LRRC41: variants seen among roughly 807,000 people sequenced by gnomAD.
LRRC41 encodes leucine rich repeat containing 41, also known as leucine-rich repeat-containing protein 41.
A neutral mutation model predicts 72.1 loss-of-function variants in LRRC41; 17 were observed. That is an observed-to-expected ratio of 0.24 (90% CI 0.16 to 0.35). LRRC41 has a LOEUF of 0.35. Among genes scored for constraint, LRRC41 ranks in the 10% least tolerant of loss-of-function variants. The probability of loss-of-function intolerance (pLI) is 1.00; values close to 1 mark genes in which losing one functional copy is unlikely to be tolerated. For synonymous variants in LRRC41, 427 were observed against 431.0 expected, an observed-to-expected ratio of 0.99 and a Z score of 0.11; for missense variants, 759 against 1,065.0, an observed-to-expected ratio of 0.71 and a Z score of 4.00.
In LRRC41 at chr1:46,278,535, C is replaced by T. The variant is rs1660693198; in HGVS notation, c.*330G>A. The stretch of plus-strand genomic sequence containing the variant: ...AGAAGCCCCCTATACTTCTCTAAAG[C>T]CTGGGTGCCTGCTTGAGGAGGGAAG... On this transcript the variant is annotated 3_prime_UTR_variant, in exon 10 of 10. Transcript: ENST00000617190. The T allele has an allele frequency of 4.9e-6, 3 of 616,990 alleles. No individual in the cohort carries two copies. Among genetic ancestry groups the T allele is most frequent in the Admixed American group, 2.9e-5 (1 of 33,994 alleles). The allele number at this position is 616,990 out of a possible 1,614,324, so 38.2% of individuals were successfully genotyped here. A position where few individuals can be genotyped will look rare whatever the true frequency, so the allele number is the denominator to read the frequency against.
Position 46,285,752 on chromosome 1 carries a change from A to G in LRRC41, c.1105T>C (p.Ser369Pro). ...SAPAATSSAS[S>P]STSSYKRAPA... ...GCCCGTTTGTATGAGGATGTAGAAG[A>G]AGAGGCAGAGGAGGTGGCTGCTGGA... Residue 369 changes from serine to proline, a missense_variant, in exon 4 of 10, where the codon TCT becomes CCT. Transcript: ENST00000617190. The surrounding 1 kb of genome is among the most constrained non-coding windows in gnomAD (Gnocchi z 5.3). 1 of 1,602,638 alleles carries G rather than the reference A, an allele frequency of 6.2e-7. No individual in the cohort carries two copies. The highest frequency in any genetic ancestry group is 8.5e-7 in the Non-Finnish European group (1 of 1,174,174).
At chr1:46,296,491 A>G (rs907023662) in intron 3 of LRRC41, among the ~76,000 whole-genome samples, 1 of 152,212 alleles carries the variant, frequency 6.6e-6, no homozygotes, top group Non-Finnish European at 1.5e-5. Flanking sequence ...CTATTCTTCC[A>G]ATATCTAGTG....
intron 3 of LRRC41, among the ~76,000 whole-genome samples, chr1:46,293,207 T>A (rs896303194): frequency 1.3e-4 from 20 of 151,992 alleles, no homozygotes; most frequent in African/African-American, 4.8e-4. Context: ...ATTAGTACTC[T>A]CTCCATCCTG....
At position 46,302,920 on chromosome 1, in the gene LRRC41, C is replaced by A; in HGVS notation, c.199+204G>T. ...CGCGCCCCCGAGCCAGGCCGCGGTG[C>A]GGGTCAGCCTGCCCATTTAGGTCTC... On this transcript the variant is annotated intron_variant, in intron 1 of 9. Transcript: ENST00000617190. This position sits in a 1 kb window ranked among gnomAD's most constrained non-coding sequence, Gnocchi z 4.7. 1.0e-6 allele frequency: 1 copy of A among 985,288 alleles called. No individual in the cohort carries two copies. Among genetic ancestry groups the A allele is most frequent in the Non-Finnish European group, 1.2e-6 (1 of 829,858 alleles). The allele number at this position is 985,288 out of a possible 1,614,324, so 61.0% of individuals were successfully genotyped here. A position where few individuals can be genotyped will look rare whatever the true frequency, so the allele number is the denominator to read the frequency against.
chr1:46,302,147 GCC>G lies in LRRC41; in HGVS notation c.199+975_199+976del. On this transcript the variant is annotated intron_variant, in intron 1 of 9. Coordinates refer to ENST00000617190, the MANE Select transcript of LRRC41 (RefSeq NM_006369.5). The surrounding 1 kb of genome is among the most constrained non-coding windows in gnomAD (Gnocchi z 4.7). The stretch of plus-strand genomic sequence containing the variant: ...CCAGGCCGCCCTCCATCCAGGCCCG[GCC>G]CTTTGGTCCCGGCCGCCTTCAGGCC... 1.0e-6 allele frequency: 1 copy of G among 985,146 alleles called. No individual in the cohort carries two copies. The highest frequency in any genetic ancestry group is 1.2e-6 in the Non-Finnish European group (1 of 829,826). 61.0% of individuals were successfully genotyped at this position (985,146 alleles called of 1,614,324 possible).
intron 2 of LRRC41, 124 bp downstream of exon 2, chr1:46,298,160 G>T (rs1661160103): frequency 3.1e-6 from 2 of 646,196 alleles, no homozygotes; most frequent in East Asian, 2.7e-5. Flanking sequence ...AAGAAAAATA[G>T]GTGTGAAGGT....
chr1:46,285,620 G>T lies in LRRC41; in HGVS notation c.1237C>A (p.Leu413Met). ...RQGPGAESED[L>M]YDFVFIVAGE... ...GCCACAATAAAAACGAAGTCATACA[G>T]GTCTTCAGACTCTGCACCAGGCCCC... Residue 413 changes from leucine (L) to methionine (M), a missense_variant, in exon 4 of 10, where the codon CTG becomes ATG. By Grantham distance (15) the Leu-to-Met change is conservative. Transcript: ENST00000617190. This position sits in a 1 kb window ranked among gnomAD's most constrained non-coding sequence, Gnocchi z 5.3. 6.2e-7 allele frequency: 1 copy of T among 1,614,122 alleles called. No homozygotes were observed.
At position 46,278,373 on chromosome 1, in the gene LRRC41, G is replaced by C; in HGVS notation, c.*492C>G. On this transcript the variant is annotated 3_prime_UTR_variant, in exon 10 of 10. Transcript: ENST00000617190. ...AGGGCCCTGTTGAATTTTGTTCTCT[G>C]GGAGAAAATCATCAAGAAGGGCTGC... The C allele has an allele frequency of 1.4e-6, 2 of 1,397,206 alleles. No homozygotes were observed. The highest frequency in any genetic ancestry group is 2.5e-4 in the Middle Eastern group (1 of 4,074). The allele number at this position is 1,397,206 out of a possible 1,614,324, so 86.6% of individuals were successfully genotyped here. A position where few individuals can be genotyped will look rare whatever the true frequency, so the allele number is the denominator to read the frequency against.
At position 46,278,744 on chromosome 1, in the gene LRRC41, AAAG is replaced by A. The variant is rs1660699284; in HGVS notation, c.*118_*120del. The A allele has an allele frequency of 9.8e-7, 1 of 1,023,086 alleles. No homozygotes were observed. The highest frequency in any genetic ancestry group is 2.1e-4 in the Middle Eastern group (1 of 4,778). 63.4% of individuals were successfully genotyped at this position (1,023,086 alleles called of 1,614,324 possible). ...ACCTCAGTGCAAGGGAAGAAGGAAAAAAGAGAAAAAAGGTGACAGAAAGAGAAA... is the reference window on the plus strand; with the variant it reads ...ACCTCAGTGCAAGGGAAGAAGGAAAAAGAAAAAAGGTGACAGAAAGAGAAA... On this transcript the variant is annotated 3_prime_UTR_variant, in exon 10 of 10. Coordinates refer to ENST00000617190, the MANE Select transcript of LRRC41 (RefSeq NM_006369.5).
chr1:46,298,482 T>C (rs1661167975), intron 1 of LRRC41, 112 bp from the exon 2 acceptor site: 1 of 628,538 alleles, frequency 1.6e-6, no homozygotes, highest in East Asian at 2.8e-5. Flanking sequence ...AGACTTCTCA[T>C]TTGACAAATG....
chr1:46,277,607 G>C lies in LRRC41; in HGVS notation c.*1258C>G, dbSNP rs1226719922. The C allele has an allele frequency of 1.6e-6, 1 of 619,144 alleles. No homozygotes were observed. The highest frequency in any genetic ancestry group is 2.8e-6 in the Non-Finnish European group (1 of 355,070). The allele number at this position is 619,144 out of a possible 1,614,324, so 38.4% of individuals were successfully genotyped here. A position where few individuals can be genotyped will look rare whatever the true frequency, so the allele number is the denominator to read the frequency against. On this transcript the variant is annotated 3_prime_UTR_variant, in exon 10 of 10. Transcript: ENST00000617190. ...CCTTCATTAGTATAGAAAGTAGCCT[G>C]GGTGGGCAGACTATTCATGTCATGT...
rs748804999 is a variant in LRRC41 at position 46,285,867 on chromosome 1, G to C, written c.990C>G (p.Ser330Arg). ...TAAGGTCTGTTCCGCCTGCTGTCAG[G>C]CTCTCCTGTGTGCTCCGGCGTGTTA... is the stretch of plus-strand genomic sequence containing the variant. ...TRVTRRSTQE[S>R]LTAGGTDLKR... The change falls in exon 4 of 10, where the codon AGC becomes AGG. Residue 330 changes from serine (S) to arginine (R), a missense_variant. Ser to Arg is a moderately radical substitution (Grantham distance 110, BLOSUM62 -1). Coordinates refer to ENST00000617190, the MANE Select transcript of LRRC41 (RefSeq NM_006369.5). This position sits in a 1 kb window ranked among gnomAD's most constrained non-coding sequence, Gnocchi z 5.3. 3 of 1,580,844 alleles carry C rather than the reference G, an allele frequency of 1.9e-6. No homozygotes were observed. The highest frequency in any genetic ancestry group is 2.6e-6 in the Non-Finnish European group (3 of 1,165,374).
In LRRC41 at chr1:46,286,558, C is replaced by T. The variant is rs1660887661; in HGVS notation, c.358-59G>A. 1 of 1,484,482 alleles carries T rather than the reference C, an allele frequency of 6.7e-7. No individual in the cohort carries two copies. The highest frequency in any genetic ancestry group is 2.2e-5 in the Admixed American group (1 of 45,674). 92.0% of individuals were successfully genotyped at this position (1,484,482 alleles called of 1,614,324 possible). A position where few individuals can be genotyped will look rare whatever the true frequency, so the allele number is the denominator to read the frequency against. On this transcript the variant is annotated intron_variant, in intron 3 of 9. Coordinates refer to ENST00000617190, the MANE Select transcript of LRRC41 (RefSeq NM_006369.5). This position sits in a 1 kb window ranked among gnomAD's most constrained non-coding sequence, Gnocchi z 5.5. The stretch of plus-strand genomic sequence containing the variant: ...TATATCCATGAAACTGTCCAAATTT[C>T]CCTCTCTTCCAATAGCACACTATTT...
intron 4 of LRRC41, among the ~76,000 whole-genome samples, chr1:46,284,813 A>C (rs1660851188): frequency 6.6e-6 from 1 of 152,200 alleles, no homozygotes; most frequent in Non-Finnish European, 1.5e-5. Context: ...ATATAGTAAC[A>C]CTGATTTGCA....
rs192669103 is a variant in LRRC41 at position 46,281,942 on chromosome 1, G to T, written c.1496-557C>A. On this transcript the variant is annotated intron_variant, in intron 4 of 9. Transcript: ENST00000617190. ...AAAAATACAGAAATTAGCTGGGCTGGGTGGCACATGCCTGTAGTCCCAGCT... is the reference window on the plus strand; with the variant it reads ...AAAAATACAGAAATTAGCTGGGCTGTGTGGCACATGCCTGTAGTCCCAGCT... Among the ~76,000 whole-genome samples, 159 of 152,282 alleles carry T rather than the reference G, an allele frequency of 1.0e-3. 2 individuals carry two copies. The South Asian group carries it at 0.017, about 16-fold the overall frequency.
chr1:46,293,328 C>T (rs191524107), intron 3 of LRRC41, among the ~76,000 whole-genome samples: 12 of 152,060 alleles, frequency 7.9e-5, no homozygotes, highest in Admixed American at 5.9e-4. Flanking sequence ...CAGCCTTGAC[C>T]CCTGACGCTC....
Position 46,295,548 on chromosome 1 carries a change from G to A in LRRC41, c.357+2015C>T, listed in dbSNP as rs72883412. Among the ~76,000 whole-genome samples the A allele has an allele frequency of 8.2e-3, 1,247 of 152,292 alleles. 18 individuals are homozygous for A. The highest frequency in any genetic ancestry group is 0.037 in the Middle Eastern group (11 of 294). ...TATTGTCATGCAAAAGTGGGAAGCG[G>A]AAAGACACCCTCTGGAATGGACATG... On this transcript the variant is annotated intron_variant, in intron 3 of 9. Coordinates refer to ENST00000617190, the MANE Select transcript of LRRC41 (RefSeq NM_006369.5).
rs1660655330 is a variant in LRRC41 at position 46,277,771 on chromosome 1, G to A, written c.*1094C>T. 6.5e-7 allele frequency: 1 copy of A among 1,549,670 alleles called. No homozygotes were observed. The highest frequency in any genetic ancestry group is 1.1e-5 in the South Asian group (1 of 89,712). On this transcript the variant is annotated 3_prime_UTR_variant, in exon 10 of 10. Transcript: ENST00000617190. ...TTTCCTGCTCCCTTTTTATGAGGAT[G>A]GCTAAGCGCTGTATCTTTTGACATT...
intron 4 of LRRC41, among the ~76,000 whole-genome samples, chr1:46,283,127 T>C (rs1189839170): frequency 6.6e-6 from 1 of 152,146 alleles, no homozygotes; most frequent in African/African-American, 2.4e-5. Flanking sequence ...CATAAATGAA[T>C]GACAGGGTCA....
Sources: allele counts gnomAD v4.1 joint callset (sites outside exome capture counted in the v4.1 genomes callset), GRCh38; gene constraint gnomAD v4.1.1; non-coding constraint Gnocchi (gnomAD v3.1); transcripts MANE v1.5; gene names NCBI Gene and HGNC (gene_info 2026-07-23, HGNC 2026-07-21).